The following BLOC1S6 variants were observed in gnomAD, a reference collection of about 807,000 sequenced individuals.
The protein encoded by BLOC1S6 is biogenesis of lysosomal organelles complex 1 subunit 6, also known as biogenesis of lysosome-related organelles complex 1 subunit 6.
A neutral mutation model predicts 24.7 loss-of-function variants in BLOC1S6; 24 were observed. The ratio of observed to expected loss-of-function variants is 0.97; its 90% CI spans 0.70 to 1.37. The LOEUF is 1.37. Among genes scored for constraint, BLOC1S6 ranks in the 40% most tolerant of loss-of-function variants. The pLI is 0.00. For missense variants in BLOC1S6, 175 were observed against 196.2 expected (o/e 0.89, Z 0.64); for synonymous variants, 76 against 72.6 (o/e 1.05, Z -0.23).
At chr15:45,592,461 A>G (rs1055163053) in intron 2 of BLOC1S6, among the ~76,000 whole-genome samples, 185 bp downstream of exon 2, 4 of 152,232 alleles carry the variant, frequency 2.6e-5, no homozygotes, top group Non-Finnish European at 5.9e-5. Context: ...AAAAAGTGAA[A>G]TGAATACTCC....
At position 45,608,466 on chromosome 15, in the gene BLOC1S6, T is replaced by C. The variant is rs973719955; in HGVS notation, c.*1952T>C. 2.0e-5 allele frequency: 3 copies of C among 152,228 alleles called. No homozygotes were observed. Among genetic ancestry groups the C allele is most frequent in the Non-Finnish European group, 2.9e-5 (2 of 68,046 alleles). 9.4% of individuals were successfully genotyped at this position (152,228 alleles called of 1,614,324 possible). A position where few individuals can be genotyped will look rare whatever the true frequency, so the allele number is the denominator to read the frequency against. The stretch of plus-strand genomic sequence containing the variant: ...CGTTTCTGAGTCATTTGGGACCAAC[T>C]GCAGTGGTTGTTTAAAATGCTGGTT... On this transcript the variant is annotated 3_prime_UTR_variant, in exon 5 of 5. Transcript: ENST00000220531.
intron 2 of BLOC1S6, among the ~76,000 whole-genome samples, chr15:45,600,160 A>G (rs1388309360): frequency 8.7e-6 from 1 of 115,416 alleles, no homozygotes; most frequent in Admixed American, 1.2e-4. Context: ...GAAGGGGAAT[A>G]TCACACTCTG....
chr15:45,596,704 A>C (rs1048103525), intron 2 of BLOC1S6, among the ~76,000 whole-genome samples: 3 of 150,644 alleles, frequency 2.0e-5, no homozygotes, highest in Admixed American at 6.6e-5. Context: ...TTTTTGAGAC[A>C]GGGTCTCACT....
intron 2 of BLOC1S6, chr15:45,602,430 G>A (rs1314896900): frequency 8.2e-6 from 5 of 611,968 alleles, no homozygotes; most frequent in African/African-American, 5.6e-5. Flanking sequence ...TGATTGATGT[G>A]TAAAGAAATA....
At chr15:45,605,142 A>T (rs1350589555) in intron 3 of BLOC1S6, among the ~76,000 whole-genome samples, 1 of 152,246 alleles carries the variant, frequency 6.6e-6, no homozygotes. Context: ...CTGAAATTTT[A>T]GAATTATATG....
intron 1 of BLOC1S6, among the ~76,000 whole-genome samples, chr15:45,589,440 CAA>C (rs1179327038): frequency 1.3e-5 from 2 of 152,200 alleles, no homozygotes; most frequent in Non-Finnish European, 2.9e-5. Flanking sequence ...CTCGAATAGA[CAA>C]AGAGAAATGA....
chr15:45,587,718 C>T, intron 1 of BLOC1S6, 193 bp downstream of exon 1: 1 of 713,428 alleles, frequency 1.4e-6, no homozygotes, highest in South Asian at 1.5e-5. Flanking sequence ...AACTGAAGTC[C>T]CGAGGGGAAG....
intron 2 of BLOC1S6, among the ~76,000 whole-genome samples, chr15:45,600,956 T>C (rs1246492715): frequency 6.6e-6 from 1 of 152,170 alleles, no homozygotes; most frequent in Non-Finnish European, 1.5e-5. Context: ...CTGTGACTTA[T>C]CACATGAGGT....
intron 2 of BLOC1S6, among the ~76,000 whole-genome samples, chr15:45,602,596 G>A (rs1894308577): frequency 6.6e-6 from 1 of 152,206 alleles, no homozygotes; most frequent in African/African-American, 2.4e-5. Context: ...CTAACTGGCT[G>A]TTGGCCGGGG....
At chr15:45,604,611 T>C (rs1236150439) in intron 3 of BLOC1S6, among the ~76,000 whole-genome samples, 1 of 152,176 alleles carries the variant, frequency 6.6e-6, no homozygotes, top group Non-Finnish European at 1.5e-5. Flanking sequence ...ATCTGGGAAC[T>C]GAAAACTGGA....
chr15:45,593,730 C>A lies in BLOC1S6; in HGVS notation c.224+1454C>A, dbSNP rs528212308. ...CTACTTATCTTCTTAGGCACCCAGA[C>A]AACAATGATTATTTTGACGATGATA... On this transcript the variant is annotated intron_variant, in intron 2 of 4. Coordinates refer to ENST00000220531, the MANE Select transcript of BLOC1S6 (RefSeq NM_012388.4). Among the ~76,000 whole-genome samples the A allele has an allele frequency of 1.1e-4, 16 of 152,248 alleles. No homozygotes were observed. In the East Asian group the frequency reaches 2.7e-3, roughly 26 times the overall value.
chr15:45,602,913 A>T (rs1361653078), intron 2 of BLOC1S6, among the ~76,000 whole-genome samples, 187 bp from the exon 3 acceptor site: 1 of 152,260 alleles, frequency 6.6e-6, no homozygotes, highest in Non-Finnish European at 1.5e-5. Context: ...AGACACATTT[A>T]GTTATCAGAA....
At chr15:45,602,382 G>A in intron 2 of BLOC1S6, 1 of 681,478 alleles carries the variant, frequency 1.5e-6, no homozygotes, top group South Asian at 1.6e-5. Context: ...TCAGGTAGGT[G>A]ACCCTTTTAA....
At chr15:45,604,921 T>C (rs917861935) in intron 3 of BLOC1S6, among the ~76,000 whole-genome samples, 1 of 152,228 alleles carries the variant, frequency 6.6e-6, no homozygotes, top group African/African-American at 2.4e-5. Flanking sequence ...ATCATTCTGC[T>C]TAGTCTGACT....
chr15:45,605,529 C>A lies in BLOC1S6; in HGVS notation c.399+15C>A. On this transcript the variant is annotated intron_variant, in intron 4 of 4. Transcript: ENST00000220531. ...CAAAGTTAAAAGTGAGTTGAAAATT[C>A]TTTCACATTCTTTACAAAAGTAGAG... 1.3e-6 allele frequency: 2 copies of A among 1,515,472 alleles called. No individual in the cohort carries two copies. Among genetic ancestry groups the A allele is most frequent in the Non-Finnish European group, 1.8e-6 (2 of 1,098,642 alleles). 93.9% of individuals were successfully genotyped at this position (1,515,472 alleles called of 1,614,324 possible). A position where few individuals can be genotyped will look rare whatever the true frequency, so the allele number is the denominator to read the frequency against.
At chr15:45,605,217 CTT>C (rs1894405832) in intron 3 of BLOC1S6, among the ~76,000 whole-genome samples, 1 of 152,142 alleles carries the variant, frequency 6.6e-6, no homozygotes, top group African/African-American at 2.4e-5. Flanking sequence ...TTTAGTAACA[CTT>C]TTGTCAATCT....
chr15:45,603,712 C>G (rs2140916978), intron 3 of BLOC1S6, among the ~76,000 whole-genome samples: 1 of 152,060 alleles, frequency 6.6e-6, no homozygotes, highest in Non-Finnish European at 1.5e-5. Flanking sequence ...GAGACCCTGT[C>G]TCAAAAAACA....
chr15:45,588,145 G>C (rs1893752254), intron 1 of BLOC1S6, among the ~76,000 whole-genome samples: 1 of 152,218 alleles, frequency 6.6e-6, no homozygotes, highest in Non-Finnish European at 1.5e-5. Flanking sequence ...AGATGAGAAA[G>C]GCTGCAGGGC....
rs1435192813 is a variant in BLOC1S6, at chr15:45,602,300, A to G, written c.225-800A>G. 11 of 598,482 alleles carry G rather than the reference A, an allele frequency of 1.8e-5. 1 individual carries two copies. The highest frequency in any genetic ancestry group is 6.0e-5 in the Admixed American group (2 of 33,526). 37.1% of individuals were successfully genotyped at this position (598,482 alleles called of 1,614,324 possible). On this transcript the variant is annotated intron_variant, in intron 2 of 4. Transcript: ENST00000220531. ...TCGTTGTTATTTCTTTTTTTTTTTT[A>G]TCATTATTCTCTAGATAGCACAGTT... is the stretch of plus-strand genomic sequence containing the variant.
Sources: allele counts gnomAD v4.1 joint callset (sites outside exome capture counted in the v4.1 genomes callset), GRCh38; gene constraint gnomAD v4.1.1; transcripts MANE v1.5; gene names NCBI Gene and HGNC (gene_info 2026-07-23, HGNC 2026-07-21).